ARL5B: variants seen among roughly 807,000 people sequenced by gnomAD.
ARL5B encodes ARF like GTPase 5B, also known as ADP-ribosylation factor-like protein 5B.
Under a neutral mutation model 26.9 loss-of-function variants are expected in ARL5B, and 10 were observed. That is an observed-to-expected ratio of 0.37 (90% CI 0.23 to 0.63). ARL5B has a LOEUF of 0.63. Ranked by LOEUF, ARL5B falls within the 30% of genes least tolerant of loss-of-function variation. The pLI, the probability that ARL5B is intolerant of heterozygous loss-of-function variation, is 0.62. For synonymous variants in ARL5B, 87 were observed against 70.4 expected (o/e 1.24, Z -1.18); for missense variants, 167 against 213.9 (o/e 0.78, Z 1.37).
chr10:18,661,213 C>T (rs1169871088), intron 1 of ARL5B, among the ~76,000 whole-genome samples: 2 of 152,206 alleles, frequency 1.3e-5, no homozygotes, highest in Admixed American at 6.5e-5. Flanking sequence ...CCAGTTTTCT[C>T]TTTCCCCTGA....
intron 1 of ARL5B, chr10:18,660,015 T>A: frequency 2.2e-6 from 2 of 901,248 alleles, no homozygotes; most frequent in Non-Finnish European, 2.7e-6. Context: ...AGCGTGCTTG[T>A]GTCTATGTGT....
intron 1 of ARL5B, among the ~76,000 whole-genome samples, chr10:18,662,523 A>T (rs1438086442): frequency 6.6e-6 from 1 of 152,194 alleles, no homozygotes; most frequent in East Asian, 1.9e-4. Flanking sequence ...ATCTCTGCAA[A>T]CATTTTATAT....
In ARL5B at chr10:18,660,221, C is replaced by CT. The variant is rs199993366; in HGVS notation, c.46+548dup. ...AGTTTTCCAGCATCTTCATTGTAAACTTTTTTTTTTAAAGCATTTAGTTCA... is the reference window on the plus strand; with the variant it reads ...AGTTTTCCAGCATCTTCATTGTAAACTTTTTTTTTTTAAAGCATTTAGTTCA... On this transcript the variant is annotated intron_variant, in intron 1 of 5. Transcript: ENST00000377275. Among the ~76,000 whole-genome samples the CT allele has an allele frequency of 5.3e-3, 800 of 150,124 alleles. 10 individuals carry two copies. Among genetic ancestry groups the CT allele is most frequent in the African/African-American group, 0.017 (682 of 40,986 alleles).
chr10:18,659,895 A>G (rs2059820549), intron 1 of ARL5B: 1 of 985,204 alleles, frequency 1.0e-6, no homozygotes, highest in Non-Finnish European at 1.2e-6. Flanking sequence ...AAGAGAAGGT[A>G]TTTGGCGTCC....
rs1318687343 is a variant in ARL5B, at chr10:18,676,746, C to G, written c.*1530C>G. 5 of 151,730 alleles carry G rather than the reference C, an allele frequency of 3.3e-5. No individual in the cohort carries two copies. The highest frequency in any genetic ancestry group is 7.4e-5 in the Non-Finnish European group (5 of 67,806). The allele number at this position is 151,730 out of a possible 1,614,324, so 9.4% of individuals were successfully genotyped here. ...TTTGTAAGTTGATTTAAATTTTGCT[C>G]TTTTTTCAGGTGTGCTTGGTTTATT... On this transcript the variant is annotated 3_prime_UTR_variant, in exon 6 of 6. Transcript: ENST00000377275.
Position 18,664,514 on chromosome 10 carries a change from C to T in ARL5B, c.47-2061C>T, listed in dbSNP as rs181690458. Among the ~76,000 whole-genome samples the T allele has an allele frequency of 2.4e-4, 36 of 148,700 alleles. 1 individual carries two copies. The highest frequency in any genetic ancestry group is 7.7e-4 in the African/African-American group (31 of 40,360). ...GCACAGTGACCCGATCTCGGCTCACCGCAAGCTCCGTCTTCCGGGTTCATG... is the reference window on the plus strand; with the variant it reads ...GCACAGTGACCCGATCTCGGCTCACTGCAAGCTCCGTCTTCCGGGTTCATG... On this transcript the variant is annotated intron_variant, in intron 1 of 5. Transcript: ENST00000377275.
At chr10:18,663,769 C>CG (rs1212142207) in intron 1 of ARL5B, among the ~76,000 whole-genome samples, 1 of 151,108 alleles carries the variant, frequency 6.6e-6, no homozygotes, top group Non-Finnish European at 1.5e-5. Flanking sequence ...AGGATGGTCT[C>CG]GATCTCCTGA....
intron 5 of ARL5B, 56 bp downstream of exon 5, chr10:18,674,191 T>A: frequency 6.6e-7 from 1 of 1,512,738 alleles, no homozygotes; most frequent in South Asian, 1.3e-5. Context: ...TTCCAACTTT[T>A]TAGGCCAACT....
At chr10:18,671,328 C>CA (rs775646353) in intron 3 of ARL5B, among the ~76,000 whole-genome samples, 14 of 152,066 alleles carry the variant, frequency 9.2e-5, no homozygotes, top group Non-Finnish European at 2.1e-4. Flanking sequence ...CACACCACCA[C>CA]ACCTGGCTGA....
In ARL5B at chr10:18,665,569, G is replaced by A. The variant is rs539464732; in HGVS notation, c.47-1006G>A. 7.8e-4 allele frequency among the ~76,000 whole-genome samples: 118 copies of A among 152,196 alleles called. 2 individuals are homozygous for A. The South Asian group carries it at 0.015, about 19-fold the overall frequency. On this transcript the variant is annotated intron_variant, in intron 1 of 5. Coordinates refer to ENST00000377275, the MANE Select transcript of ARL5B (RefSeq NM_178815.5). ...GATGAAGTTTAGAACTTCAGAGTAGGAATATGAGCTGATAGTTGATTATAT... is the reference window on the plus strand; with the variant it reads ...GATGAAGTTTAGAACTTCAGAGTAGAAATATGAGCTGATAGTTGATTATAT...
At chr10:18,669,590 T>A (rs1271233757) in intron 3 of ARL5B, among the ~76,000 whole-genome samples, 2 of 152,216 alleles carry the variant, frequency 1.3e-5, no homozygotes, top group Admixed American at 1.3e-4. Context: ...CAATGTAGTT[T>A]AGAGAGATTT....
At chr10:18,663,000 GC>G (rs1329992739) in intron 1 of ARL5B, among the ~76,000 whole-genome samples, 1 of 151,164 alleles carries the variant, frequency 6.6e-6, no homozygotes, top group Non-Finnish European at 1.5e-5. Flanking sequence ...ACTATGCCTG[GC>G]CCAGTGATGT....
intron 1 of ARL5B, among the ~76,000 whole-genome samples, chr10:18,660,074 G>A (rs76552698): frequency 6.7e-6 from 1 of 149,052 alleles, no homozygotes; most frequent in Non-Finnish European, 1.5e-5. Flanking sequence ...TTTTTTTTTT[G>A]AGTAATGTAG....
At chr10:18,670,472 A>G (rs2059882039) in intron 3 of ARL5B, among the ~76,000 whole-genome samples, 1 of 152,008 alleles carries the variant, frequency 6.6e-6, no homozygotes, top group Non-Finnish European at 1.5e-5. Context: ...TTAGCCAGGC[A>G]TGGTGGCATG....
At chr10:18,673,760 A>T (rs2059898357) in intron 4 of ARL5B, among the ~76,000 whole-genome samples, 2 of 146,674 alleles carry the variant, frequency 1.4e-5, no homozygotes, top group Admixed American at 1.4e-4. Context: ...ATTCAGGTGT[A>T]TTTTTTTTTT....
intron 2 of ARL5B, 30 bp from the exon 3 acceptor site, chr10:18,668,500 A>G (rs1226009152): frequency 6.2e-7 from 1 of 1,605,780 alleles, no homozygotes; most frequent in Non-Finnish European, 8.5e-7. Context: ...AAGATTTACA[A>G]GAGCTTTTAC....
intron 5 of ARL5B, among the ~76,000 whole-genome samples, chr10:18,674,375 G>C (rs2059901476): frequency 6.6e-6 from 1 of 152,154 alleles, no homozygotes. Flanking sequence ...CTATTGAATT[G>C]AGTTTTCATA....
At chr10:18,660,221 C>CTT (rs199993366) in intron 1 of ARL5B, among the ~76,000 whole-genome samples, 2 of 150,022 alleles carry the variant, frequency 1.3e-5, no homozygotes, top group Admixed American at 6.6e-5. Context: ...TCATTGTAAA[C>CTT]TTTTTTTTTT....
At chr10:18,671,223 A>T (rs1199519699) in intron 3 of ARL5B, among the ~76,000 whole-genome samples, 1 of 151,922 alleles carries the variant, frequency 6.6e-6, no homozygotes, top group Non-Finnish European at 1.5e-5. Context: ...ATGGAGTCTC[A>T]GTCTGTCACC....
Sources: gnomAD v4.1 joint callset for allele counts (sites outside exome capture counted in the v4.1 genomes callset) on GRCh38, gnomAD v4.1.1 for gene constraint, MANE v1.5 for transcripts, NCBI Gene and HGNC (gene_info 2026-07-23, HGNC 2026-07-21) for gene names.